The following JUN variants were observed in gnomAD, a reference collection of about 807,000 sequenced individuals.
The protein encoded by JUN is transcription factor Jun.
A neutral mutation model predicts 19.7 loss-of-function variants in JUN; 7 were observed. The ratio of observed to expected loss-of-function variants is 0.36; its 90% CI spans 0.20 to 0.67. The LOEUF is 0.67. Among genes scored for constraint, JUN ranks in the 30% least tolerant of loss-of-function variants. The pLI is 0.64. For missense variants in JUN, 373 were observed against 451.0 expected (o/e 0.83, Z 1.57); for synonymous variants, 246 against 206.9 (o/e 1.19, Z -1.62).
At position 58,783,968 on chromosome 1, in the gene JUN, C is replaced by CTGTG. The variant is rs1645599828; in HGVS notation, c.-902_-899dup. On this transcript the variant is annotated 5_prime_UTR_variant, in exon 1 of 1. Coordinates refer to ENST00000371222, the MANE Select transcript of JUN (RefSeq NM_002228.4). ...CTATACTGCCGACCTGGCTGGCTGG[C>CTGTG]TGTGTCTGTCTGTCTGCCTGACTCC... 4.0e-6 allele frequency: 1 copy of CTGTG among 249,150 alleles called. No individual in the cohort carries two copies. Among genetic ancestry groups the CTGTG allele is most frequent in the East Asian group, 6.0e-5 (1 of 16,628 alleles). The allele number at this position is 249,150 out of a possible 1,614,324, so 15.4% of individuals were successfully genotyped here. A position where few individuals can be genotyped will look rare whatever the true frequency, so the allele number is the denominator to read the frequency against.
In JUN at chr1:58,780,967, CTAACATTA is replaced by C. The variant is rs1478974189; in HGVS notation, c.*1100_*1107del. On this transcript the variant is annotated 3_prime_UTR_variant, in exon 1 of 1. Coordinates refer to ENST00000371222, the MANE Select transcript of JUN (RefSeq NM_002228.4). ...ATAAGCACCTATTGTAAAATTTCTA[CTAACATTA>C]TAAATGGTCACAGCACATGCCACTT... The C allele has an allele frequency of 4.3e-5, 10 of 233,144 alleles. No homozygotes were observed. Among genetic ancestry groups the C allele is most frequent in the Non-Finnish European group, 8.5e-5 (10 of 117,980 alleles). The allele number at this position is 233,144 out of a possible 1,614,324, so 14.4% of individuals were successfully genotyped here. A position where few individuals can be genotyped will look rare whatever the true frequency, so the allele number is the denominator to read the frequency against.
rs754560735 is a variant in JUN, at chr1:58,782,694, G to T, written c.377C>A (p.Thr126Lys). 10 of 1,596,392 alleles carry T rather than the reference G, an allele frequency of 6.3e-6. No homozygotes were observed. In the South Asian group the frequency reaches 1.1e-4, roughly 18 times the overall value. ...CGCCGCCGACGTGACGCTGGGCAGC[G>T]TGTTCTGGCTGTGCAGTTCGGCCAG... ...RALAELHSQN[T>K]LPSVTSAAQP... Residue 126 changes from threonine (T) to lysine (K), a missense_variant, in exon 1 of 1, where the codon ACG (threonine) becomes AAG (lysine). Transcript: ENST00000371222. This position sits in a 1 kb window ranked among gnomAD's most constrained non-coding sequence, Gnocchi z 8.7.
Position 58,782,026 on chromosome 1 carries a change from CTG to C in JUN, c.*47_*48del, listed in dbSNP as rs765104359. The C allele has an allele frequency of 4.2e-6, 6 of 1,429,070 alleles. No individual in the cohort carries two copies. Among genetic ancestry groups the C allele is most frequent in the South Asian group, 2.4e-5 (2 of 84,564 alleles). The allele number at this position is 1,429,070 out of a possible 1,614,324, so 88.5% of individuals were successfully genotyped here. ...TTGTCAAGTTCTCAAGTCTGTCTCTCTGTGTTATTTTTTTTCTTCGTTGCCCC... is the reference window on the plus strand; with the variant it reads ...TTGTCAAGTTCTCAAGTCTGTCTCTCTGTTATTTTTTTTCTTCGTTGCCCC... On this transcript the variant is annotated 3_prime_UTR_variant, in exon 1 of 1. Transcript: ENST00000371222. This position sits in a 1 kb window ranked among gnomAD's most constrained non-coding sequence, Gnocchi z 8.7.
At position 58,782,649 on chromosome 1, in the gene JUN, C is replaced by A. The variant is rs771850245; in HGVS notation, c.422G>T (p.Gly141Val). Residue 141 changes from glycine (G) to valine (V), a missense_variant, in exon 1 of 1, where the codon GGC becomes GTC. This residue lies in a region of JUN where 173 missense variants were observed against 154.5 expected (regional missense o/e 1.12). Coordinates refer to ENST00000371222, the MANE Select transcript of JUN (RefSeq NM_002228.4). This position sits in a 1 kb window ranked among gnomAD's most constrained non-coding sequence, Gnocchi z 8.7. The stretch of plus-strand genomic sequence containing the variant: ...CGAGGCTACCGCGGGAGCCACCATG[C>A]CTGCCCCGTTGACCGGCTGCGCCGC... ...TSAAQPVNGA[G>V]MVAPAVASVA... is the part of the protein sequence containing the mutation. 5 of 1,592,420 alleles carry A rather than the reference C, an allele frequency of 3.1e-6. No individual in the cohort carries two copies. The highest frequency in any genetic ancestry group is 4.3e-6 in the Non-Finnish European group (5 of 1,174,702).
In JUN at chr1:58,782,436, G is replaced by A. The variant is rs1225619117; in HGVS notation, c.635C>T (p.Pro212Leu). The part of the protein sequence containing the change: ...QQQQQPPHHL[P>L]QQMPVQHPRL... ...CGGGTGCTGCACGGGCATCTGCTGG[G>A]GCAGGTGGTGCGGCGGCTGCTGCTG... The change falls in exon 1 of 1, where the codon CCC becomes CTC. Residue 212 changes from proline (P) to leucine (L), a missense_variant. Physicochemically the swap from Pro to Leu is moderately conservative, Grantham distance 98. Transcript: ENST00000371222. This position sits in a 1 kb window ranked among gnomAD's most constrained non-coding sequence, Gnocchi z 8.7. 3 of 1,603,898 alleles carry A rather than the reference G, an allele frequency of 1.9e-6. No individual in the cohort carries two copies. The highest frequency in any genetic ancestry group is 2.6e-6 in the Non-Finnish European group (3 of 1,176,280).
In JUN at chr1:58,781,860, T is replaced by A. The variant is rs1418194033; in HGVS notation, c.*215A>T. 5.3e-6 allele frequency: 3 copies of A among 570,266 alleles called. No homozygotes were observed. In the African/African-American group the frequency reaches 5.6e-5, roughly 11 times the overall value. The allele number at this position is 570,266 out of a possible 1,614,324, so 35.3% of individuals were successfully genotyped here. A position where few individuals can be genotyped will look rare whatever the true frequency, so the allele number is the denominator to read the frequency against. ...AGCGGGGCAGCCCGCAGGCGGCCGC[T>A]CCCTGGCTCCACGCCAAGGGAGGGC... On this transcript the variant is annotated 3_prime_UTR_variant, in exon 1 of 1. Coordinates refer to ENST00000371222, the MANE Select transcript of JUN (RefSeq NM_002228.4).
chr1:58,781,051 C>G lies in JUN; in HGVS notation c.*1024G>C. On this transcript the variant is annotated 3_prime_UTR_variant, in exon 1 of 1. Transcript: ENST00000371222. ...TGACTTCTCAGTGGGCTGTCCCTCTCCACTGCAACCCCCCTTCCTCCAGCC... is the reference window on the plus strand; with the variant it reads ...TGACTTCTCAGTGGGCTGTCCCTCTGCACTGCAACCCCCCTTCCTCCAGCC... 1 of 233,220 alleles carries G rather than the reference C, an allele frequency of 4.3e-6. No individual in the cohort carries two copies. The highest frequency in any genetic ancestry group is 8.5e-6 in the Non-Finnish European group (1 of 118,022). The allele number at this position is 233,220 out of a possible 1,614,324, so 14.4% of individuals were successfully genotyped here.
Position 58,782,656 on chromosome 1 carries a change from C to T in JUN, c.415G>A (p.Gly139Arg), listed in dbSNP as rs771319731. ...ACCGCGGGAGCCACCATGCCTGCCC[C>T]GTTGACCGGCTGCGCCGCCGACGTG... ...SVTSAAQPVN[G>R]AGMVAPAVAS... Residue 139 changes from glycine (G) to arginine (R), a missense_variant, in exon 1 of 1, where the codon GGG (glycine) becomes AGG (arginine). Coordinates refer to ENST00000371222, the MANE Select transcript of JUN (RefSeq NM_002228.4). This position sits in a 1 kb window ranked among gnomAD's most constrained non-coding sequence, Gnocchi z 8.7. 2 of 1,590,438 alleles carry T rather than the reference C, an allele frequency of 1.3e-6. No individual in the cohort carries two copies. The highest frequency in any genetic ancestry group is 8.5e-7 in the Non-Finnish European group (1 of 1,173,170).
At position 58,781,828 on chromosome 1, in the gene JUN, T is replaced by C. The variant is rs529523535; in HGVS notation, c.*247A>G. The C allele has an allele frequency of 7.1e-5, 38 of 536,122 alleles. No individual in the cohort carries two copies. Among genetic ancestry groups the C allele is most frequent in the African/African-American group, 6.4e-4 (34 of 52,716 alleles). 33.2% of individuals were successfully genotyped at this position (536,122 alleles called of 1,614,324 possible). Reference sequence around the variant, plus strand: ...GTTCCGTTCGCGCGGGGACAGCCCGTCCGCAAAGCGGGGCAGCCCGCAGGC... The same window carrying C: ...GTTCCGTTCGCGCGGGGACAGCCCGCCCGCAAAGCGGGGCAGCCCGCAGGC... On this transcript the variant is annotated 3_prime_UTR_variant, in exon 1 of 1. Coordinates refer to ENST00000371222, the MANE Select transcript of JUN (RefSeq NM_002228.4).
rs535572943 is a variant in JUN, at chr1:58,780,993, T to C, written c.*1082A>G. On this transcript the variant is annotated 3_prime_UTR_variant, in exon 1 of 1. Transcript: ENST00000371222. ...TAACATTATAAATGGTCACAGCACA[T>C]GCCACTTGATACAATCCAAACTTTG... 39 of 233,152 alleles carry C rather than the reference T, an allele frequency of 1.7e-4. No individual in the cohort carries two copies. The highest frequency in any genetic ancestry group is 8.4e-4 in the African/African-American group (38 of 45,464). 14.4% of individuals were successfully genotyped at this position (233,152 alleles called of 1,614,324 possible).
chr1:58,781,087 T>TC lies in JUN; in HGVS notation c.*987dup. 4.3e-6 allele frequency: 1 copy of TC among 233,174 alleles called. No individual in the cohort carries two copies. Among genetic ancestry groups the TC allele is most frequent in the Non-Finnish European group, 8.5e-6 (1 of 117,982 alleles). The allele number at this position is 233,174 out of a possible 1,614,324, so 14.4% of individuals were successfully genotyped here. A position where few individuals can be genotyped will look rare whatever the true frequency, so the allele number is the denominator to read the frequency against. ...CCCCTTCCTCCAGCCTCCTGAAACA[T>TC]CGCACTATCCTTTGGTAAGCAATTC... On this transcript the variant is annotated 3_prime_UTR_variant, in exon 1 of 1. Coordinates refer to ENST00000371222, the MANE Select transcript of JUN (RefSeq NM_002228.4).
In JUN at chr1:58,782,971, G is replaced by A; in HGVS notation, c.100C>T (p.Leu34=). Residue 34 remains leucine, a synonymous_variant, in exon 1 of 1, where the codon CTG becomes TTG. Coordinates refer to ENST00000371222, the MANE Select transcript of JUN (RefSeq NM_002228.4). The surrounding 1 kb of genome is among the most constrained non-coding windows in gnomAD (Gnocchi z 8.7). ...GPYGYSNPKI[L]KQSMTLNLAD... The stretch of plus-strand genomic sequence containing the variant: ...AGGTTCAGGGTCATGCTCTGTTTCA[G>A]GATCTTGGGGTTACTGTAGCCATAA... 1 of 1,614,234 alleles carries A rather than the reference G, an allele frequency of 6.2e-7. No homozygotes were observed. Among genetic ancestry groups the A allele is most frequent in the African/African-American group, 1.3e-5 (1 of 75,056 alleles).
chr1:58,781,791 G>T lies in JUN; in HGVS notation c.*284C>A. On this transcript the variant is annotated 3_prime_UTR_variant, in exon 1 of 1. Coordinates refer to ENST00000371222, the MANE Select transcript of JUN (RefSeq NM_002228.4). ...CATGCAGTTCTTGGTCAATGTTAAC[G>T]AAAAGTCCAACGTTCCGTTCGCGCG... 2.2e-6 allele frequency: 1 copy of T among 450,572 alleles called. No individual in the cohort carries two copies. Among genetic ancestry groups the T allele is most frequent in the Non-Finnish European group, 4.0e-6 (1 of 251,458 alleles). 27.9% of individuals were successfully genotyped at this position (450,572 alleles called of 1,614,324 possible). A position where few individuals can be genotyped will look rare whatever the true frequency, so the allele number is the denominator to read the frequency against.
chr1:58,782,532 G>A lies in JUN; in HGVS notation c.539C>T (p.Ala180Val). The change falls in exon 1 of 1, where the codon GCG (alanine) becomes GTG (valine). Residue 180 changes from alanine (A) to valine (V), a missense_variant. This residue lies in a region of JUN where 173 missense variants were observed against 154.5 expected (regional missense o/e 1.12). Transcript: ENST00000371222. The surrounding 1 kb of genome is among the most constrained non-coding windows in gnomAD (Gnocchi z 8.7). ...YANLSNFNPG[A>V]LSSGGGAPSY... ...GGGCGCCCCGCCGCCGCTGCTCAGC[G>A]CGCCTGGGTTGAAGTTGCTGAGGTT... 1 of 1,576,490 alleles carries A rather than the reference G, an allele frequency of 6.3e-7. No individual in the cohort carries two copies. The highest frequency in any genetic ancestry group is 8.6e-7 in the Non-Finnish European group (1 of 1,167,508).
In JUN at chr1:58,781,984, T is replaced by C; in HGVS notation, c.*91A>G. 1.7e-6 allele frequency: 2 copies of C among 1,154,980 alleles called. No individual in the cohort carries two copies. The highest frequency in any genetic ancestry group is 2.2e-5 in the Admixed American group (1 of 46,232). 71.5% of individuals were successfully genotyped at this position (1,154,980 alleles called of 1,614,324 possible). On this transcript the variant is annotated 3_prime_UTR_variant, in exon 1 of 1. Transcript: ENST00000371222. ...GGCTTTAGTTCTCGGACACTTCTTT[T>C]TTCTCTCCGTCGCAACTTGTCAAGT...
Position 58,783,182 on chromosome 1 carries a change from A to G in JUN, c.-112T>C. 1 of 1,495,418 alleles carries G rather than the reference A, an allele frequency of 6.7e-7. No homozygotes were observed. The highest frequency in any genetic ancestry group is 2.3e-5 in the East Asian group (1 of 43,796). The allele number at this position is 1,495,418 out of a possible 1,614,324, so 92.6% of individuals were successfully genotyped here. A position where few individuals can be genotyped will look rare whatever the true frequency, so the allele number is the denominator to read the frequency against. ...ACCCGCGCCCCCCGGAGCCTTTGAC[A>G]GGGAAAGTTTCTCTAAGAGCGCACG... is the stretch of plus-strand genomic sequence containing the variant. On this transcript the variant is annotated 5_prime_UTR_variant, in exon 1 of 1. Transcript: ENST00000371222.
Position 58,783,142 on chromosome 1 carries a change from T to TG in JUN, c.-73dup. ...AAGTTTCGGGGCCGCAACAGGGCTG[T>TG]GGCAAGCGGGGGACACCCGCGCCCC... is the stretch of plus-strand genomic sequence containing the variant. On this transcript the variant is annotated 5_prime_UTR_variant, in exon 1 of 1. Transcript: ENST00000371222. 6.5e-7 allele frequency: 1 copy of TG among 1,535,738 alleles called. No homozygotes were observed.
Position 58,782,540 on chromosome 1 carries a change from G to T in JUN, c.531C>A (p.Asn177Lys), listed in dbSNP as rs761560027. 3.2e-6 allele frequency: 5 copies of T among 1,580,512 alleles called. No individual in the cohort carries two copies. Among genetic ancestry groups the T allele is most frequent in the African/African-American group, 1.3e-5 (1 of 74,376 alleles). The change falls in exon 1 of 1, where the codon AAC (asparagine) becomes AAA (lysine). Residue 177 changes from asparagine to lysine, a missense_variant. By Grantham distance (94) the Asn-to-Lys change is moderately conservative. Coordinates refer to ENST00000371222, the MANE Select transcript of JUN (RefSeq NM_002228.4). The surrounding 1 kb of genome is among the most constrained non-coding windows in gnomAD (Gnocchi z 8.7). ...CGCCGCCGCTGCTCAGCGCGCCTGG[G>T]TTGAAGTTGCTGAGGTTTGCGTAGA... ...PPVYANLSNF[N>K]PGALSSGGGA...
In JUN at chr1:58,783,904, A is replaced by C. The variant is rs966325070; in HGVS notation, c.-834T>G. ...CCACAGGCGCTAGCTCTGGGCAGTT[A>C]GAGAGAAGGTGAAAAGAAAATAAGA... On this transcript the variant is annotated 5_prime_UTR_variant, in exon 1 of 1. Coordinates refer to ENST00000371222, the MANE Select transcript of JUN (RefSeq NM_002228.4). 3.2e-5 allele frequency: 8 copies of C among 248,118 alleles called. No homozygotes were observed. The highest frequency in any genetic ancestry group is 6.8e-5 in the Non-Finnish European group (8 of 118,212). The allele number at this position is 248,118 out of a possible 1,614,324, so 15.4% of individuals were successfully genotyped here. A position where few individuals can be genotyped will look rare whatever the true frequency, so the allele number is the denominator to read the frequency against.
Sources: allele counts gnomAD v4.1 joint callset, GRCh38; gene constraint gnomAD v4.1.1; regional missense constraint gnomAD v4.1.1; non-coding constraint Gnocchi (gnomAD v3.1); transcripts MANE v1.5; gene names NCBI Gene and HGNC (gene_info 2026-07-23, HGNC 2026-07-21).